Variants in GLG1 observed in about 807,000 individuals in gnomAD.
GLG1 encodes the protein golgi glycoprotein 1.
GLG1 carries 38 observed loss-of-function variants against 160.5 expected under a neutral mutation model. That is an observed-to-expected ratio of 0.24 (90% CI 0.18 to 0.31). The LOEUF (loss-of-function observed/expected upper bound fraction) is 0.31. Among genes scored for constraint, GLG1 ranks in the 10% least tolerant of loss-of-function variants. The probability of loss-of-function intolerance (pLI) is 1.00; values close to 1 mark genes in which losing one functional copy is unlikely to be tolerated. For missense variants in GLG1, 1,373 were observed against 1,505.2 expected (o/e 0.91, Z 1.45); for synonymous variants, 644 against 543.4 (o/e 1.19, Z -2.57).
chr16:74,585,647 G>T (rs1275487989), intron 1 of GLG1, among the ~76,000 whole-genome samples: 1 of 148,134 alleles, frequency 6.8e-6, no homozygotes, highest in Non-Finnish European at 1.5e-5. Context: ...GGCAGAGCTT[G>T]CAGTGAGCCA....
intron 23 of GLG1, chr16:74,458,265 C>A: frequency 2.9e-6 from 1 of 341,364 alleles, no homozygotes; most frequent in Non-Finnish European, 5.4e-6. Context: ...TTTGGCATTC[C>A]CGTATGTCAT....
chr16:74,559,159 C>T (rs2018436196), intron 1 of GLG1, among the ~76,000 whole-genome samples: 1 of 152,214 alleles, frequency 6.6e-6, no homozygotes, highest in East Asian at 1.9e-4. Flanking sequence ...GCCTGAACCA[C>T]TGGGCCTGGC....
intron 1 of GLG1, among the ~76,000 whole-genome samples, chr16:74,536,302 T>G (rs575453160): frequency 8.5e-4 from 129 of 152,348 alleles, no homozygotes; most frequent in Middle Eastern, 3.4e-3. Flanking sequence ...ATAACACCCA[T>G]AATTACTAAA....
rs2014172188 is a variant in GLG1 at position 74,448,769 on chromosome 16, A to AAG, written c.*4397_*4398insCT. ...GTGTCTCAAAAGAAAAAAAAAAAAAAGGCCAGGCCGGGCGTGGTGGCTCAC... is the reference window on the plus strand; with the variant it reads ...GTGTCTCAAAAGAAAAAAAAAAAAAAAGGGCCAGGCCGGGCGTGGTGGCTCAC... On this transcript the variant is annotated 3_prime_UTR_variant, in exon 26 of 26. Transcript: ENST00000422840. 2 of 147,118 alleles carry AAG rather than the reference A, an allele frequency of 1.4e-5. No individual in the cohort carries two copies. The allele number at this position is 147,118 out of a possible 1,614,324, so 9.1% of individuals were successfully genotyped here. A position where few individuals can be genotyped will look rare whatever the true frequency, so the allele number is the denominator to read the frequency against.
At chr16:74,523,840 C>A (rs985013887) in intron 2 of GLG1, among the ~76,000 whole-genome samples, 1 of 152,044 alleles carries the variant, frequency 6.6e-6, no homozygotes, top group African/African-American at 2.4e-5. Context: ...TTTATAAATT[C>A]TTTTGGATTT....
chr16:74,494,162 A>C (rs1176556360), intron 6 of GLG1, among the ~76,000 whole-genome samples: 3 of 115,738 alleles, frequency 2.6e-5, no homozygotes, highest in African/African-American at 9.5e-5. Context: ...TGACAGAGAA[A>C]GACTCCACTC....
rs138251513 is a variant in GLG1 at position 74,593,992 on chromosome 16, C to T, written c.438+12665G>A. The stretch of plus-strand genomic sequence containing the variant: ...CACGATCTTGGCTCACTGCAACCTC[C>T]GCCTCCCAGGTTCAAGCAATTCTCC... On this transcript the variant is annotated intron_variant, in intron 1 of 25. Coordinates refer to ENST00000422840, the MANE Select transcript of GLG1 (RefSeq NM_001145667.2). 9.1e-3 allele frequency among the ~76,000 whole-genome samples: 1,388 copies of T among 152,074 alleles called. 7 individuals are homozygous for T. Among genetic ancestry groups the T allele is most frequent in the Non-Finnish European group, 0.016 (1,057 of 67,974 alleles).
At chr16:74,596,218 T>C (rs1440527288) in intron 1 of GLG1, among the ~76,000 whole-genome samples, 6 of 150,792 alleles carry the variant, frequency 4.0e-5, no homozygotes, top group Non-Finnish European at 4.4e-5. Context: ...CGAGACTCTG[T>C]CTCAAAAAAA....
chr16:74,512,355 C>G (rs1435059492), intron 2 of GLG1, among the ~76,000 whole-genome samples: 1 of 142,934 alleles, frequency 7.0e-6, no homozygotes, highest in Non-Finnish European at 1.6e-5. Context: ...CCTCCGCCCC[C>G]CGGGTTCAAG....
At chr16:74,484,577 A>G (rs1240796455) in intron 9 of GLG1, among the ~76,000 whole-genome samples, 2 of 151,960 alleles carry the variant, frequency 1.3e-5, no homozygotes, top group Non-Finnish European at 2.9e-5. Context: ...CCTAACCAAC[A>G]TGGTAAAACC....
chr16:74,465,149 T>C (rs1037423749), intron 19 of GLG1, among the ~76,000 whole-genome samples: 6 of 152,008 alleles, frequency 3.9e-5, no homozygotes, highest in African/African-American at 1.5e-4. Context: ...GAACCTTGAG[T>C]TTAATGTATG....
At chr16:74,533,097 G>A (rs2017590779) in intron 1 of GLG1, among the ~76,000 whole-genome samples, 1 of 152,142 alleles carries the variant, frequency 6.6e-6, no homozygotes, top group Non-Finnish European at 1.5e-5. Context: ...GAGGTGGGCG[G>A]ATCACAAGGT....
intron 1 of GLG1, 56 bp from the exon 2 acceptor site, chr16:74,532,209 T>TAG (rs1567507582): frequency 3.2e-6 from 2 of 624,956 alleles, no homozygotes; most frequent in African/African-American, 3.9e-5. Flanking sequence ...TATATATATA[T>TAG]ATAGAGAACC....
At chr16:74,492,460 T>A (rs1323549706) in intron 7 of GLG1, among the ~76,000 whole-genome samples, 1 of 149,408 alleles carries the variant, frequency 6.7e-6, no homozygotes, top group East Asian at 2.0e-4. Context: ...GGTGGGAGGA[T>A]CACGTGAGGG....
rs1244836776 is a variant in GLG1 at position 74,552,483 on chromosome 16, A to G, written c.439-20330T>C. 1.0e-5 allele frequency: 5 copies of G among 476,936 alleles called. No homozygotes were observed. In the East Asian group the frequency reaches 2.2e-4, roughly 21 times the overall value. 29.5% of individuals were successfully genotyped at this position (476,936 alleles called of 1,614,324 possible). A position where few individuals can be genotyped will look rare whatever the true frequency, so the allele number is the denominator to read the frequency against. ...TGGTACCTTACCAACGACTGTATCC[A>G]GTATCTCTGATTACCTCCATCTGCC... On this transcript the variant is annotated intron_variant, in intron 1 of 25. Coordinates refer to ENST00000422840, the MANE Select transcript of GLG1 (RefSeq NM_001145667.2).
intron 14 of GLG1, among the ~76,000 whole-genome samples, chr16:74,471,606 C>T (rs1001145751): frequency 2.6e-5 from 4 of 152,140 alleles, no homozygotes; most frequent in African/African-American, 9.7e-5. Flanking sequence ...GTATGTTTCA[C>T]TCCCACAATT....
chr16:74,492,135 C>A (rs1486446393), intron 7 of GLG1, among the ~76,000 whole-genome samples: 3 of 150,718 alleles, frequency 2.0e-5, no homozygotes, highest in African/African-American at 7.3e-5. Context: ...GCCTGTAATC[C>A]CAGCACTTTG....
At chr16:74,507,026 G>A (rs1323031196) in intron 3 of GLG1, among the ~76,000 whole-genome samples, 2 of 152,168 alleles carry the variant, frequency 1.3e-5, no homozygotes, top group Non-Finnish European at 2.9e-5. Context: ...TGTATTAATA[G>A]TTTACAGGTA....
At chr16:74,575,263 A>T (rs2018969618) in intron 1 of GLG1, among the ~76,000 whole-genome samples, 1 of 152,010 alleles carries the variant, frequency 6.6e-6, no homozygotes. Flanking sequence ...GAACAAAAAA[A>T]CACTGCACCT....
Sources: allele counts gnomAD v4.1 joint callset (sites outside exome capture counted in the v4.1 genomes callset), GRCh38; gene constraint gnomAD v4.1.1; transcripts MANE v1.5; gene names NCBI Gene and HGNC (gene_info 2026-07-23, HGNC 2026-07-21).